The following DAG1 variants were observed in gnomAD, a reference collection of about 807,000 sequenced individuals.
DAG1 encodes the protein dystroglycan 1 (dystrophin-associated glycoprotein 1).
A neutral mutation model predicts 46.1 loss-of-function variants in DAG1; 8 were observed. The ratio of observed to expected loss-of-function variants is 0.17; its 90% CI spans 0.10 to 0.31. The LOEUF is 0.31. Ranked by LOEUF, DAG1 falls within the 10% of genes least tolerant of loss-of-function variation. The pLI is 1.00. For synonymous variants in DAG1, 495 were observed against 481.8 expected (o/e 1.03, Z -0.36); for missense variants, 1,003 against 1,189.9 (o/e 0.84, Z 2.31).
At chr3:49,492,862 C>G (rs1182503419) in intron 1 of DAG1, 1 of 152,008 alleles carries the variant, frequency 6.6e-6, no homozygotes, top group Non-Finnish European at 1.5e-5. Flanking sequence ...TTGGGCTACT[C>G]AGGCATGGAT....
At chr3:49,497,745 G>A (rs1315553722) in intron 1 of DAG1, among the ~76,000 whole-genome samples, 3 of 152,200 alleles carry the variant, frequency 2.0e-5, no homozygotes, top group Non-Finnish European at 4.4e-5. Context: ...ATGGACTTCA[G>A]TGGAATGTAG....
intron 2 of DAG1, 74 bp from the exon 3 acceptor site, chr3:49,530,723 G>A: frequency 6.2e-7 from 1 of 1,601,348 alleles, no homozygotes; most frequent in Non-Finnish European, 8.5e-7. Flanking sequence ...ACACAATTCA[G>A]GTTAACTGTT....
chr3:49,487,611 A>T (rs185036262), intron 1 of DAG1, among the ~76,000 whole-genome samples: 2 of 151,706 alleles, frequency 1.3e-5, no homozygotes, highest in Admixed American at 1.3e-4. Context: ...TGGTTCAGAG[A>T]GATACCTGGG....
chr3:49,529,225 G>A (rs771876093), intron 2 of DAG1, among the ~76,000 whole-genome samples: 7 of 152,014 alleles, frequency 4.6e-5, no homozygotes, highest in African/African-American at 1.7e-4. Flanking sequence ...AGAGATGGGG[G>A]TCTCACTGTG....
chr3:49,508,578 G>A (rs1575383850), intron 1 of DAG1, among the ~76,000 whole-genome samples: 1 of 151,976 alleles, frequency 6.6e-6, no homozygotes. Flanking sequence ...TTTTGTATTT[G>A]TAGTAGAGAC....
In DAG1 at chr3:49,474,936, C is replaced by T. The variant is rs532998811; in HGVS notation, c.-117+4503C>T. On this transcript the variant is annotated intron_variant, in intron 1 of 2. Coordinates refer to ENST00000308775, the MANE Select transcript of DAG1 (RefSeq NM_004393.6). The stretch of plus-strand genomic sequence containing the variant: ...ATGCCATTCTCCTGTCTCAGCCTCC[C>T]GAGTAGCTGGGACTACAGGCGCCCG... Among the ~76,000 whole-genome samples the T allele has an allele frequency of 2.7e-3, 418 of 152,048 alleles. 3 individuals are homozygous for T. Among genetic ancestry groups the T allele is most frequent in the African/African-American group, 9.3e-3 (388 of 41,512 alleles).
At position 49,534,275 on chromosome 3, in the gene DAG1, CAT is replaced by C. The variant is rs1377174600; in HGVS notation, c.*1077_*1078del. On this transcript the variant is annotated 3_prime_UTR_variant, in exon 3 of 3. Coordinates refer to ENST00000308775, the MANE Select transcript of DAG1 (RefSeq NM_004393.6). ...TGGTGAAGATGCAATATTTTTATGTCATGTGATGCTCTTTCCTCACTTGACCT... is the reference window on the plus strand; with the variant it reads ...TGGTGAAGATGCAATATTTTTATGTCGTGATGCTCTTTCCTCACTTGACCT... The C allele has an allele frequency of 2.0e-5, 3 of 152,214 alleles. No individual in the cohort carries two copies. The highest frequency in any genetic ancestry group is 7.3e-5 in the African/African-American group (3 of 41,304). 9.4% of individuals were successfully genotyped at this position (152,214 alleles called of 1,614,324 possible).
At chr3:49,491,166 C>A (rs966228178) in intron 1 of DAG1, among the ~76,000 whole-genome samples, 1 of 151,848 alleles carries the variant, frequency 6.6e-6, no homozygotes, top group Non-Finnish European at 1.5e-5. Context: ...TGAGCCACCA[C>A]GCCTGGCATT....
In DAG1 at chr3:49,533,007, C is replaced by T. The variant is rs756342015; in HGVS notation, c.2496C>T (p.Pro832=). Residue 832 remains proline, a synonymous_variant, in exon 3 of 3, where the codon CCC becomes CCT. Transcript: ENST00000308775. ...CTCCCCTACCCCCTCCTGAGTACCCCAACCAGAGTGTGCCCGAGACCACTC... is the reference window on the plus strand; with the variant it reads ...CTCCCCTACCCCCTCCTGAGTACCCTAACCAGAGTGTGCCCGAGACCACTC... ...EKAPLPPPEY[P]NQSVPETTPL... 1.9e-6 allele frequency: 3 copies of T among 1,614,146 alleles called. No homozygotes were observed. In the East Asian group the frequency reaches 6.7e-5, roughly 36 times the overall value.
rs2051436738 is a variant in DAG1, at chr3:49,533,785, A to C, written c.*586A>C. 9.2e-6 allele frequency: 2 copies of C among 216,874 alleles called. No homozygotes were observed. Among genetic ancestry groups the C allele is most frequent in the Admixed American group, 1.1e-4 (2 of 18,934 alleles). 13.4% of individuals were successfully genotyped at this position (216,874 alleles called of 1,614,324 possible). On this transcript the variant is annotated 3_prime_UTR_variant, in exon 3 of 3. Transcript: ENST00000308775. ...TAAAAATAAGCTCCCAGGGTGTTTC[A>C]AACTTAGAGAAGACCAAGGGACAGT...
intron 1 of DAG1, among the ~76,000 whole-genome samples, chr3:49,503,566 G>A (rs147640373): frequency 0.012 from 1,751 of 152,146 alleles, 33 homozygotes; most frequent in African/African-American, 0.041. Context: ...GCCTGGTGGC[G>A]CATGCTTGTA....
In DAG1 at chr3:49,530,864, A is replaced by G; in HGVS notation, c.353A>G (p.Glu118Gly). Residue 118 changes from glutamate to glycine, a missense_variant, in exon 3 of 3, where the codon GAG becomes GGG. Glu to Gly is a moderately conservative substitution (Grantham distance 98). Transcript: ENST00000308775. ...TGGGACTCACAGAGCCACACCCTGG[A>G]GGGCCTCCCCCTTGACACTGATAAG... is the stretch of plus-strand genomic sequence containing the variant. ...LHWDSQSHTL[E>G]GLPLDTDKGV... 1 of 1,614,150 alleles carries G rather than the reference A, an allele frequency of 6.2e-7. No individual in the cohort carries two copies. The highest frequency in any genetic ancestry group is 8.5e-7 in the Non-Finnish European group (1 of 1,180,000).
intron 2 of DAG1, among the ~76,000 whole-genome samples, chr3:49,530,373 C>T (rs1293107933): frequency 2.0e-5 from 3 of 152,064 alleles, no homozygotes; most frequent in African/African-American, 7.2e-5. Context: ...TGCAGAGGGC[C>T]GGGGAGAAGT....
chr3:49,484,829 T>C (rs1335315940), intron 1 of DAG1, among the ~76,000 whole-genome samples: 3 of 151,034 alleles, frequency 2.0e-5, no homozygotes, highest in Admixed American at 6.6e-5. Context: ...GGAGTCTTGC[T>C]CTTGTCACCC....
chr3:49,519,999 G>A (rs1475324576), intron 2 of DAG1, among the ~76,000 whole-genome samples: 1 of 152,230 alleles, frequency 6.6e-6, no homozygotes, highest in African/African-American at 2.4e-5. Flanking sequence ...TGGCGTTGGT[G>A]TTTGTGGCAG....
At chr3:49,483,410 G>A (rs2049936206) in intron 1 of DAG1, among the ~76,000 whole-genome samples, 1 of 151,926 alleles carries the variant, frequency 6.6e-6, no homozygotes, top group African/African-American at 2.4e-5. Context: ...TCTTCATGTT[G>A]GTCAGGCTGG....
chr3:49,483,940 C>T (rs1383231461), intron 1 of DAG1, among the ~76,000 whole-genome samples: 1 of 152,206 alleles, frequency 6.6e-6, no homozygotes. Context: ...AGGCGTGAGC[C>T]ACCACACCCG....
At chr3:49,515,715 T>G (rs2050880909) in intron 2 of DAG1, among the ~76,000 whole-genome samples, 1 of 152,064 alleles carries the variant, frequency 6.6e-6, no homozygotes, top group Non-Finnish European at 1.5e-5. Flanking sequence ...GTGAGGAACA[T>G]TTCAGATATT....
intron 1 of DAG1, among the ~76,000 whole-genome samples, chr3:49,485,448 T>C (rs1288571515): frequency 6.6e-6 from 1 of 152,222 alleles, no homozygotes; most frequent in Non-Finnish European, 1.5e-5. Flanking sequence ...AAATGTCATG[T>C]AATATACCAG....
Sources: allele counts gnomAD v4.1 joint callset (sites outside exome capture counted in the v4.1 genomes callset), GRCh38; gene constraint gnomAD v4.1.1; transcripts MANE v1.5; gene names NCBI Gene and HGNC (gene_info 2026-07-23, HGNC 2026-07-21).